The following SUMF1 variants were observed in gnomAD, a reference collection of about 807,000 sequenced individuals.
SUMF1 encodes the protein formylglycine-generating enzyme.
SUMF1 carries 48 observed loss-of-function variants against 47.6 expected under a neutral mutation model. The observed-to-expected ratio is 1.01, with a 90% CI of 0.80 to 1.28. The LOEUF (loss-of-function observed/expected upper bound fraction) is 1.28. Among genes scored for constraint, SUMF1 ranks in the 50% most tolerant of loss-of-function variants. SUMF1 has a pLI of 0.00. For synonymous variants in SUMF1, 230 were observed against 192.1 expected (o/e 1.20, Z -1.63); for missense variants, 571 against 485.4 (o/e 1.18, Z -1.66).
chr3:4,186,085 G>A (rs1410890015), intron 8 of SUMF1, among the ~76,000 whole-genome samples: 1 of 152,170 alleles, frequency 6.6e-6, no homozygotes, highest in East Asian at 1.9e-4. Context: ...TGGGGATAGA[G>A]TCATTTCAAA....
intron 8 of SUMF1, among the ~76,000 whole-genome samples, chr3:4,263,938 G>C (rs1214165443): frequency 1.3e-5 from 2 of 152,270 alleles, no homozygotes; most frequent in South Asian, 2.1e-4. Context: ...AAGATAAGAA[G>C]ATAGACTTGT....
At chr3:4,091,799 G>C (rs1419757484) in intron 8 of SUMF1, among the ~76,000 whole-genome samples, 2 of 151,796 alleles carry the variant, frequency 1.3e-5, no homozygotes, top group African/African-American at 4.8e-5. Context: ...TTACTCACAA[G>C]GACATACAGC....
chr3:4,324,143 G>A (rs1698894479), intron 8 of SUMF1, among the ~76,000 whole-genome samples: 2 of 151,986 alleles, frequency 1.3e-5, no homozygotes. Flanking sequence ...TAGAATGTTT[G>A]AACATGATAC....
At chr3:4,392,510 T>A (rs1700899906) in intron 7 of SUMF1, among the ~76,000 whole-genome samples, 1 of 151,610 alleles carries the variant, frequency 6.6e-6, no homozygotes, top group African/African-American at 2.4e-5. Context: ...AAACTAGACA[T>A]TTAAGATTAT....
At chr3:4,132,690 T>G (rs748302891) in intron 8 of SUMF1, among the ~76,000 whole-genome samples, 1 of 152,032 alleles carries the variant, frequency 6.6e-6, no homozygotes, top group Non-Finnish European at 1.5e-5. Context: ...AAACTGGAAG[T>G]TAAGATTGCC....
chr3:4,378,716 C>T (rs1320952638), intron 7 of SUMF1, among the ~76,000 whole-genome samples: 1 of 152,092 alleles, frequency 6.6e-6, no homozygotes, highest in Admixed American at 6.6e-5. Flanking sequence ...GGAACTCTCC[C>T]ATGTAATGGC....
chr3:4,241,856 G>A (rs555005313), intron 8 of SUMF1, among the ~76,000 whole-genome samples: 1 of 152,296 alleles, frequency 6.6e-6, no homozygotes, highest in Admixed American at 6.5e-5. Context: ...TGAGGAGGCA[G>A]TGTCTGATTT....
At chr3:4,366,095 C>A (rs1364449841) in intron 8 of SUMF1, among the ~76,000 whole-genome samples, 1 of 151,922 alleles carries the variant, frequency 6.6e-6, no homozygotes, top group Non-Finnish European at 1.5e-5. Flanking sequence ...CGCTGTTAGT[C>A]TGATGGGCTT....
chr3:4,391,416 T>C (rs1174263661), intron 7 of SUMF1, among the ~76,000 whole-genome samples: 1 of 152,204 alleles, frequency 6.6e-6, no homozygotes, highest in Non-Finnish European at 1.5e-5. Flanking sequence ...TAAAATTATG[T>C]TGGAACACAT....
chr3:4,130,230 G>A (rs1693754788), intron 8 of SUMF1, among the ~76,000 whole-genome samples: 1 of 152,144 alleles, frequency 6.6e-6, no homozygotes, highest in African/African-American at 2.4e-5. Context: ...TGCAGCTGCT[G>A]TACCAGATGT....
At chr3:4,434,483 A>G (rs1702334475) in intron 3 of SUMF1, among the ~76,000 whole-genome samples, 1 of 152,228 alleles carries the variant, frequency 6.6e-6, no homozygotes, top group South Asian at 2.1e-4. Flanking sequence ...GCGCAACAGT[A>G]AAGGAAATTT....
At chr3:4,398,060 C>G (rs994799403) in intron 7 of SUMF1, among the ~76,000 whole-genome samples, 36 of 152,222 alleles carry the variant, frequency 2.4e-4, no homozygotes, top group African/African-American at 7.9e-4. Context: ...GGTTATTCAG[C>G]TAGTAGGTGG....
chr3:4,391,346 T>G (rs537147911), intron 7 of SUMF1, among the ~76,000 whole-genome samples: 1 of 152,210 alleles, frequency 6.6e-6, no homozygotes, highest in Non-Finnish European at 1.5e-5. Flanking sequence ...TTTCAGATTT[T>G]TCTTTCAAAT....
intron 8 of SUMF1, among the ~76,000 whole-genome samples, chr3:4,222,664 TGA>T (rs1246995553): frequency 1.3e-5 from 2 of 152,038 alleles, no homozygotes; most frequent in Non-Finnish European, 2.9e-5. Flanking sequence ...ATTTCTAAAC[TGA>T]GAGTTTTTCT....
chr3:4,334,630 C>T (rs1169621056), intron 8 of SUMF1, among the ~76,000 whole-genome samples: 2 of 152,136 alleles, frequency 1.3e-5, no homozygotes, highest in African/African-American at 2.4e-5. Flanking sequence ...GGGAATGGAT[C>T]AATAATAAGT....
chr3:4,083,092 A>T (rs1189076381), intron 8 of SUMF1, among the ~76,000 whole-genome samples: 1 of 152,122 alleles, frequency 6.6e-6, no homozygotes, highest in Non-Finnish European at 1.5e-5. Flanking sequence ...ATCAAAGTGC[A>T]CCCCGTGGAT....
intron 9 of SUMF1, among the ~76,000 whole-genome samples, chr3:4,036,488 C>T (rs548625566): frequency 5.9e-5 from 9 of 151,976 alleles, no homozygotes; most frequent in Non-Finnish European, 1.0e-4. Context: ...AATGAAGGCT[C>T]TTTGGGGAAG....
At chr3:4,435,425 G>A (rs1054573544) in intron 3 of SUMF1, among the ~76,000 whole-genome samples, 1 of 152,030 alleles carries the variant, frequency 6.6e-6, no homozygotes, top group Non-Finnish European at 1.5e-5. Context: ...CTATCAAAAG[G>A]TCTAACATTT....
intron 7 of SUMF1, among the ~76,000 whole-genome samples, chr3:4,398,934 G>T (rs2124963013): frequency 6.6e-6 from 1 of 152,286 alleles, no homozygotes; most frequent in East Asian, 1.9e-4. Context: ...ACATTAACAA[G>T]TCTGGGGATC....
Sources: allele counts gnomAD v4.1 joint callset (sites outside exome capture counted in the v4.1 genomes callset), GRCh38; gene constraint gnomAD v4.1.1; transcripts MANE v1.5; gene names NCBI Gene and HGNC (gene_info 2026-07-23, HGNC 2026-07-21).